Variants in HDAC4 observed in about 807,000 individuals in gnomAD.
The protein encoded by HDAC4 is histone deacetylase 4, also known as histone deacetylase A.
Under a neutral mutation model 135.1 loss-of-function variants are expected in HDAC4, and 16 were observed. The observed-to-expected ratio is 0.12, with a 90% CI of 0.08 to 0.18. HDAC4 has a LOEUF of 0.18. HDAC4 is among the 10% of genes least tolerant of loss of function. HDAC4 has a pLI of 1.00. For missense variants in HDAC4, 1,143 were observed against 1,511.8 expected (o/e 0.76, Z 4.05); for synonymous variants, 685 against 653.4 (o/e 1.05, Z -0.74).
intron 2 of HDAC4, among the ~76,000 whole-genome samples, chr2:239,290,501 G>T (rs774909636): frequency 8.5e-5 from 13 of 152,132 alleles, no homozygotes; most frequent in Non-Finnish European, 1.8e-4. Flanking sequence ...CCCCAAGAGA[G>T]TTTTGGAGAG....
chr2:239,149,319 G>A (rs961955141), intron 7 of HDAC4, among the ~76,000 whole-genome samples: 10 of 151,572 alleles, frequency 6.6e-5, no homozygotes, highest in African/African-American at 2.4e-4. Flanking sequence ...AGAATCCCCT[G>A]AACCCAGGAG....
At position 239,377,820 on chromosome 2, in the gene HDAC4, C is replaced by T. The variant is rs1310037504; in HGVS notation, c.-220+23158G>A. Among the ~76,000 whole-genome samples, 10 of 152,130 alleles carry T rather than the reference C, an allele frequency of 6.6e-5. No individual in the cohort carries two copies. In the East Asian group the frequency reaches 1.9e-3, roughly 30 times the overall value. On this transcript the variant is annotated intron_variant, in intron 1 of 26. Transcript: ENST00000543185. ...AACTGGGCACGGCCAGGCAGACAAGCCCAGGCCCAAGACTGATCACCGCGC... is the reference window on the plus strand; with the variant it reads ...AACTGGGCACGGCCAGGCAGACAAGTCCAGGCCCAAGACTGATCACCGCGC...
chr2:239,248,998 A>G (rs2048625931), intron 2 of HDAC4, among the ~76,000 whole-genome samples: 1 of 152,270 alleles, frequency 6.6e-6, no homozygotes, highest in Non-Finnish European at 1.5e-5. Flanking sequence ...CACGTAAATT[A>G]GAAGACCGTG....
intron 2 of HDAC4, among the ~76,000 whole-genome samples, chr2:239,277,436 C>T (rs1175156305): frequency 6.6e-6 from 1 of 152,224 alleles, no homozygotes; most frequent in African/African-American, 2.4e-5. Context: ...GGGCCACCAC[C>T]CTGGGAGTAC....
intron 12 of HDAC4, among the ~76,000 whole-genome samples, chr2:239,125,831 C>T (rs919821933): frequency 6.6e-6 from 1 of 152,240 alleles, no homozygotes; most frequent in African/African-American, 2.4e-5. Flanking sequence ...GTAGGTTATG[C>T]AGACCTCTGT....
At chr2:239,377,878 T>C (rs1384051886) in intron 1 of HDAC4, among the ~76,000 whole-genome samples, 1 of 152,168 alleles carries the variant, frequency 6.6e-6, no homozygotes, top group East Asian at 1.9e-4. Context: ...CTGCTGGGAC[T>C]GTCTCCATAT....
intron 2 of HDAC4, among the ~76,000 whole-genome samples, chr2:239,325,737 G>A (rs1383634533): frequency 6.6e-6 from 1 of 152,016 alleles, no homozygotes; most frequent in Non-Finnish European, 1.5e-5. Flanking sequence ...GGCCGAGACG[G>A]GTGGATCACC....
At chr2:239,312,034 C>A (rs1051362783) in intron 2 of HDAC4, among the ~76,000 whole-genome samples, 22 of 152,164 alleles carry the variant, frequency 1.4e-4, no homozygotes, top group Admixed American at 9.2e-4. Context: ...AAAGCCTTAC[C>A]CAAAAATTGA....
intron 17 of HDAC4, chr2:239,094,279 CA>C: frequency 1.0e-6 from 1 of 985,440 alleles, no homozygotes; most frequent in African/African-American, 1.7e-5. Context: ...GGTCAGGGGC[CA>C]GGGGAGAACT....
intron 3 of HDAC4, among the ~76,000 whole-genome samples, chr2:239,196,723 C>T (rs577459404): frequency 1.3e-5 from 2 of 152,226 alleles, no homozygotes; most frequent in South Asian, 4.1e-4. Context: ...GGTGAGCTGC[C>T]CTCCATGGTG....
intron 5 of HDAC4, among the ~76,000 whole-genome samples, chr2:239,175,540 T>G (rs962795390): frequency 2.0e-5 from 3 of 152,182 alleles, no homozygotes; most frequent in African/African-American, 7.2e-5. Flanking sequence ...TGGGCTCTCC[T>G]TAGAAGAAAA....
intron 7 of HDAC4, among the ~76,000 whole-genome samples, chr2:239,153,525 C>A (rs559257636): frequency 6.6e-6 from 1 of 152,290 alleles, no homozygotes; most frequent in Admixed American, 6.5e-5. Flanking sequence ...AAGGGTGATA[C>A]AGGGTGTGTA....
intron 16 of HDAC4, among the ~76,000 whole-genome samples, chr2:239,101,542 G>A (rs369893926): frequency 7.2e-5 from 11 of 152,248 alleles, no homozygotes; most frequent in Non-Finnish European, 1.2e-4. Context: ...CAACCCCTGC[G>A]TTCATGGTTC....
chr2:239,193,984 C>T (rs1445960114), intron 3 of HDAC4, among the ~76,000 whole-genome samples: 1 of 152,198 alleles, frequency 6.6e-6, no homozygotes, highest in Non-Finnish European at 1.5e-5. Flanking sequence ...CATCACAACG[C>T]AGGCACCTGG....
intron 2 of HDAC4, among the ~76,000 whole-genome samples, chr2:239,320,153 C>G (rs1054487552): frequency 2.6e-5 from 4 of 152,046 alleles, no homozygotes; most frequent in Non-Finnish European, 5.9e-5. Context: ...GAGGCCGAAG[C>G]AGGCGGATCA....
intron 3 of HDAC4, among the ~76,000 whole-genome samples, chr2:239,209,300 G>T (rs186076854): frequency 6.6e-6 from 1 of 152,352 alleles, no homozygotes; most frequent in East Asian, 1.9e-4. Flanking sequence ...CAGGTCCAGT[G>T]CAAGGTAGTT....
At chr2:239,273,328 A>C (rs2050156477) in intron 2 of HDAC4, among the ~76,000 whole-genome samples, 1 of 152,212 alleles carries the variant, frequency 6.6e-6, no homozygotes, top group East Asian at 1.9e-4. Context: ...TTAAACCCAC[A>C]AGCTCACAAT....
At chr2:239,242,240 G>GGGTT (rs1344461056) in intron 2 of HDAC4, among the ~76,000 whole-genome samples, 2 of 115,044 alleles carry the variant, frequency 1.7e-5, no homozygotes, top group African/African-American at 6.7e-5. Context: ...AAGGGAGGGA[G>GGGTT]GGAGGGAGGG....
Position 239,111,587 on chromosome 2 carries a change from G to A in HDAC4, c.1917C>T (p.Pro639=), listed in dbSNP as rs771143548. The A allele has an allele frequency of 2.2e-5, 35 of 1,611,970 alleles. 1 individual carries two copies. The highest frequency in any genetic ancestry group is 4.0e-5 in the African/African-American group (3 of 74,938). Residue 639 remains proline, a synonymous_variant, in exon 14 of 27, where the codon CCC becomes CCT. Coordinates refer to ENST00000543185, the MANE Select transcript of HDAC4 (RefSeq NM_001378414.1). ...CAGACACGGGGAAGGTGGCAGACGC[G>A]GGTGAGGACTGCGCCCGGGACAGAG... ...HRPLSRAQSS[P]ASATFPVSVQ...
Sources: gnomAD v4.1 joint callset for allele counts (sites outside exome capture counted in the v4.1 genomes callset) on GRCh38, gnomAD v4.1.1 for gene constraint, MANE v1.5 for transcripts, NCBI Gene and HGNC (gene_info 2026-07-23, HGNC 2026-07-21) for gene names.